Variants in UBE2D2 observed in about 807,000 individuals in gnomAD.
UBE2D2 encodes ubiquitin conjugating enzyme E2 D2, also known as ubiquitin-conjugating enzyme E2 D2.
A neutral mutation model predicts 24.2 loss-of-function variants in UBE2D2; 2 were observed. The observed-to-expected ratio is 0.08, with a 90% confidence interval of 0.03 to 0.26. The LOEUF (loss-of-function observed/expected upper bound fraction) is 0.26, where lower values mean the gene tolerates loss of function less well. Ranked by LOEUF, UBE2D2 falls within the 10% of genes least tolerant of loss-of-function variation. The pLI is 1.00. For missense variants in UBE2D2, 44 were observed against 177.6 expected, an observed-to-expected ratio of 0.25 and a Z score of 4.28; for synonymous variants, 58 against 56.5, an observed-to-expected ratio of 1.03 and a Z score of -0.12.
chr5:139,563,143 G>A (rs11742182), intron 1 of UBE2D2, among the ~76,000 whole-genome samples: 7,812 of 152,208 alleles, frequency 0.051, 246 homozygotes, highest in South Asian at 0.11. Context: ...ATGGGATGGG[G>A]ATGCAAGAGG....
intron 1 of UBE2D2, among the ~76,000 whole-genome samples, chr5:139,574,969 C>T (rs954212552): frequency 3.3e-5 from 5 of 152,000 alleles, no homozygotes; most frequent in Non-Finnish European, 5.9e-5. Flanking sequence ...ATTCACAGTA[C>T]CCGATACTTA....
chr5:139,610,701 C>T (rs1207782127), intron 2 of UBE2D2, among the ~76,000 whole-genome samples: 1 of 151,760 alleles, frequency 6.6e-6, no homozygotes, highest in Admixed American at 6.6e-5. Flanking sequence ...AACAAAATCC[C>T]GTCTCTACAG....
intron 2 of UBE2D2, among the ~76,000 whole-genome samples, chr5:139,609,675 A>G (rs1420215566): frequency 6.7e-6 from 1 of 148,504 alleles, no homozygotes; most frequent in African/African-American, 2.5e-5. Flanking sequence ...CTGGCTGCGC[A>G]TCTCTATTTA....
intron 6 of UBE2D2, 155 bp downstream of exon 6, chr5:139,623,616 T>G (rs1477427457): frequency 1.9e-6 from 1 of 513,124 alleles, no homozygotes; most frequent in African/African-American, 1.9e-5. Flanking sequence ...ATGCATTGAG[T>G]ATTATTATAA....
upstream of UBE2D2, among the ~76,000 whole-genome samples, chr5:139,558,436 C>G (rs1319603515): frequency 6.6e-6 from 1 of 152,054 alleles, no homozygotes; most frequent in African/African-American, 2.4e-5. Context: ...TACAGGCGCC[C>G]GCCAACCAAG....
chr5:139,584,859 G>C (rs1291528545), intron 1 of UBE2D2, among the ~76,000 whole-genome samples: 2 of 148,554 alleles, frequency 1.3e-5, no homozygotes, highest in Non-Finnish European at 3.0e-5. Context: ...TTCAAGTTCA[G>C]TAATTACATC....
chr5:139,574,787 G>A (rs1211031430), intron 1 of UBE2D2, among the ~76,000 whole-genome samples: 2 of 151,756 alleles, frequency 1.3e-5, no homozygotes, highest in Non-Finnish European at 2.9e-5. Flanking sequence ...AGCATTTGTG[G>A]CCTTAGGCAA....
At chr5:139,584,218 C>T (rs1418446581) in intron 1 of UBE2D2, among the ~76,000 whole-genome samples, 1 of 152,064 alleles carries the variant, frequency 6.6e-6, no homozygotes, top group Non-Finnish European at 1.5e-5. Flanking sequence ...ATTTAGGATA[C>T]ACAGATACTA....
chr5:139,540,741 A>G (rs1016728364), intron 1 of UBE2D2, among the ~76,000 whole-genome samples: 6 of 152,198 alleles, frequency 3.9e-5, no homozygotes, highest in African/African-American at 1.4e-4. Flanking sequence ...CTGTAATGCC[A>G]GCACTTTGGG....
At chr5:139,572,291 A>G (rs1178889124) in intron 1 of UBE2D2, among the ~76,000 whole-genome samples, 2 of 152,202 alleles carry the variant, frequency 1.3e-5, no homozygotes, top group Non-Finnish European at 2.9e-5. Context: ...GAAATCATGC[A>G]TACTTGTATT....
chr5:139,535,287 A>T (rs940948560), intron 1 of UBE2D2, among the ~76,000 whole-genome samples: 1 of 149,102 alleles, frequency 6.7e-6, no homozygotes, highest in Non-Finnish European at 1.5e-5. Flanking sequence ...TCTACTAAAA[A>T]TACAAAAAAA....
At chr5:139,576,936 A>G (rs1291990772) in intron 1 of UBE2D2, among the ~76,000 whole-genome samples, 1 of 102,854 alleles carries the variant, frequency 9.7e-6, no homozygotes, top group African/African-American at 4.1e-5. Flanking sequence ...TGAAACTTGG[A>G]TCTGGCCTTT....
intron 1 of UBE2D2, among the ~76,000 whole-genome samples, chr5:139,586,467 A>G (rs1247124406): frequency 6.6e-6 from 1 of 152,104 alleles, no homozygotes; most frequent in Admixed American, 6.6e-5. Flanking sequence ...TGATGAGTCT[A>G]AAAAAGAATT....
At chr5:139,551,353 G>T in intron 1 of UBE2D2, among the ~76,000 whole-genome samples, 1 of 150,536 alleles carries the variant, frequency 6.6e-6, no homozygotes, top group African/African-American at 2.4e-5. Flanking sequence ...CCATCTCAAA[G>T]AAAAAAAAAG....
intron 1 of UBE2D2, among the ~76,000 whole-genome samples, chr5:139,594,475 A>C (rs1366120979): frequency 1.3e-5 from 2 of 151,798 alleles, no homozygotes; most frequent in African/African-American, 2.4e-5. Flanking sequence ...GTGCAGTGGC[A>C]TGATCTCTGC....
At chr5:139,594,213 C>G (rs1013797934) in intron 1 of UBE2D2, among the ~76,000 whole-genome samples, 4 of 151,978 alleles carry the variant, frequency 2.6e-5, no homozygotes, top group African/African-American at 9.7e-5. Flanking sequence ...TGTAAAGAAG[C>G]GTTAATTTTT....
At chr5:139,566,131 G>T in intron 1 of UBE2D2, among the ~76,000 whole-genome samples, 1 of 149,844 alleles carries the variant, frequency 6.7e-6, no homozygotes, top group African/African-American at 2.5e-5. Context: ...CAGTTCTCTT[G>T]CCTCAGACTC....
At chr5:139,625,429 CA>C (rs1202211451) in intron 6 of UBE2D2, among the ~76,000 whole-genome samples, 120 of 35,834 alleles carry the variant, frequency 3.3e-3, no homozygotes, top group African/African-American at 5.6e-3. Context: ...TACCCACCCC[CA>C]CCCCCCCCCC....
At chr5:139,563,620 G>A (rs1156328441) in intron 1 of UBE2D2, among the ~76,000 whole-genome samples, 1 of 152,280 alleles carries the variant, frequency 6.6e-6, no homozygotes, top group East Asian at 1.9e-4. Context: ...GGTATAATGT[G>A]TAATAATTTA....
Sources: allele counts gnomAD v4.1 joint callset (sites outside exome capture counted in the v4.1 genomes callset), GRCh38; gene constraint gnomAD v4.1.1; transcripts MANE v1.5; gene names NCBI Gene and HGNC (gene_info 2026-07-23, HGNC 2026-07-21).